GHR: variants seen among roughly 807,000 people sequenced by gnomAD.
The protein encoded by GHR is growth hormone receptor.
Under a neutral mutation model 67.1 loss-of-function variants are expected in GHR, and 35 were observed. The ratio of observed to expected loss-of-function variants is 0.52; its 90% CI spans 0.40 to 0.69. The LOEUF (loss-of-function observed/expected upper bound fraction) is 0.69. Among genes scored for constraint, GHR ranks in the 30% least tolerant of loss-of-function variants. The pLI is 0.00. For synonymous variants in GHR, 272 were observed against 269.1 expected (o/e 1.01, Z -0.10); for missense variants, 792 against 764.6 (o/e 1.04, Z -0.42).
intron 1 of GHR, among the ~76,000 whole-genome samples, chr5:42,519,334 A>G (rs1747375838): frequency 6.6e-6 from 1 of 152,144 alleles, no homozygotes; most frequent in Non-Finnish European, 1.5e-5. Flanking sequence ...ATAAATTCTC[A>G]TTTTTCCCAT....
At chr5:42,563,252 A>G (rs1204811095) in intron 1 of GHR, among the ~76,000 whole-genome samples, 1 of 152,186 alleles carries the variant, frequency 6.6e-6, no homozygotes, top group East Asian at 1.9e-4. Flanking sequence ...TCTTTACCTG[A>G]CACTAAGTGT....
chr5:42,569,862 TAC>T (rs1750180573), intron 2 of GHR, among the ~76,000 whole-genome samples: 1 of 152,128 alleles, frequency 6.6e-6, no homozygotes. Context: ...TATCATTCTG[TAC>T]CATTCAAAGT....
At chr5:42,483,941 T>G (rs544316879) in intron 1 of GHR, among the ~76,000 whole-genome samples, 1 of 152,286 alleles carries the variant, frequency 6.6e-6, no homozygotes, top group African/African-American at 2.4e-5. Context: ...TTTTATCTTG[T>G]GCTTAGAACC....
At chr5:42,662,553 C>T (rs1220483069) in intron 3 of GHR, among the ~76,000 whole-genome samples, 1 of 152,072 alleles carries the variant, frequency 6.6e-6, no homozygotes, top group African/African-American at 2.4e-5. Context: ...TTCTTTGAAA[C>T]CAACAAGAAC....
At chr5:42,501,728 A>C (rs1320054896) in intron 1 of GHR, among the ~76,000 whole-genome samples, 1 of 152,222 alleles carries the variant, frequency 6.6e-6, no homozygotes, top group Non-Finnish European at 1.5e-5. Context: ...TCCTGGTGAG[A>C]AACACTACTC....
chr5:42,685,285 A>G (rs960853011), intron 3 of GHR, among the ~76,000 whole-genome samples: 2 of 152,062 alleles, frequency 1.3e-5, no homozygotes, highest in African/African-American at 4.8e-5. Context: ...ATCCTTTTTT[A>G]TGGCTGAGTA....
chr5:42,437,607 G>A (rs970314953), intron 1 of GHR, among the ~76,000 whole-genome samples: 4 of 151,290 alleles, frequency 2.6e-5, no homozygotes, highest in African/African-American at 9.7e-5. Context: ...GAGTGCAGTG[G>A]CGTGAACTTG....
intron 4 of GHR, among the ~76,000 whole-genome samples, chr5:42,694,355 A>G (rs1757567081): frequency 6.6e-6 from 1 of 152,188 alleles, no homozygotes; most frequent in Non-Finnish European, 1.5e-5. Context: ...TCAGATGGGA[A>G]TTTGAGTCTT....
At chr5:42,491,695 C>T (rs894327389) in intron 1 of GHR, among the ~76,000 whole-genome samples, 1 of 152,116 alleles carries the variant, frequency 6.6e-6, no homozygotes, top group African/African-American at 2.4e-5. Flanking sequence ...ATGGAAAGTG[C>T]TAAATGAAAG....
At chr5:42,550,313 A>C (rs1175215766) in intron 1 of GHR, among the ~76,000 whole-genome samples, 1 of 152,016 alleles carries the variant, frequency 6.6e-6, no homozygotes, top group East Asian at 1.9e-4. Context: ...TGTAAAATGC[A>C]ACCTTTAGAC....
At position 42,713,439 on chromosome 5, in the gene GHR, T is replaced by G. The variant is rs145462816; in HGVS notation, c.795T>G (p.Phe265Leu). 7 of 1,410,736 alleles carry G rather than the reference T, an allele frequency of 5.0e-6. No individual in the cohort carries two copies. The highest frequency in any genetic ancestry group is 6.0e-6 in the Non-Finnish European group (6 of 997,460). 87.4% of individuals were successfully genotyped at this position (1,410,736 alleles called of 1,614,324 possible). ...TCTTGTGTGTTTCAGATTTCTACTT[T>G]CCATGGCTCTTAATTATTATCTTTG... The part of the protein sequence containing the change: ...SQFTCEEDFY[F>L]PWLLIIIFGI... Residue 265 changes from phenylalanine (F) to leucine (L), a missense_variant, in exon 8 of 10, where the codon TTT becomes TTG. Phe to Leu is a conservative substitution (Grantham distance 22). Coordinates refer to ENST00000230882, the MANE Select transcript of GHR (RefSeq NM_000163.5).
chr5:42,653,216 AT>A (rs1273764066), intron 3 of GHR, among the ~76,000 whole-genome samples: 1 of 152,176 alleles, frequency 6.6e-6, no homozygotes, highest in African/African-American at 2.4e-5. Flanking sequence ...CATGTTAAAC[AT>A]TTATTAAGCA....
At chr5:42,621,663 A>G (rs1279660769) in intron 2 of GHR, among the ~76,000 whole-genome samples, 1 of 152,214 alleles carries the variant, frequency 6.6e-6, no homozygotes, top group Non-Finnish European at 1.5e-5. Flanking sequence ...GATGTATTTA[A>G]ACATGTGCTT....
intron 1 of GHR, among the ~76,000 whole-genome samples, chr5:42,562,841 G>A (rs928707583): frequency 3.3e-5 from 5 of 151,872 alleles, no homozygotes; most frequent in African/African-American, 1.2e-4. Context: ...AGTAGAGACG[G>A]GGTTTCACCA....
At chr5:42,657,663 C>T (rs1248197948) in intron 3 of GHR, among the ~76,000 whole-genome samples, 1 of 152,178 alleles carries the variant, frequency 6.6e-6, no homozygotes, top group Non-Finnish European at 1.5e-5. Flanking sequence ...TAATCTCTAT[C>T]CCTTTTTTGT....
chr5:42,622,128 A>G (rs539944649), intron 2 of GHR, among the ~76,000 whole-genome samples: 39 of 152,328 alleles, frequency 2.6e-4, no homozygotes, highest in African/African-American at 9.1e-4. Flanking sequence ...CCCACTGAGT[A>G]GTATCCAACC....
chr5:42,458,298 C>A (rs187605837), intron 1 of GHR, among the ~76,000 whole-genome samples: 3 of 152,204 alleles, frequency 2.0e-5, no homozygotes, highest in South Asian at 4.1e-4. Context: ...ACAAATGGAA[C>A]AGATTAGAGA....
At chr5:42,427,736 C>T (rs1385177298) in intron 1 of GHR, among the ~76,000 whole-genome samples, 2 of 152,124 alleles carry the variant, frequency 1.3e-5, no homozygotes, top group African/African-American at 4.8e-5. Flanking sequence ...AAATCAAAAG[C>T]AAGTTAGTTA....
intron 2 of GHR, among the ~76,000 whole-genome samples, chr5:42,570,823 G>A (rs1750258006): frequency 6.6e-6 from 1 of 152,164 alleles, no homozygotes; most frequent in South Asian, 2.1e-4. Flanking sequence ...AATACTGTTA[G>A]ATTTTTACTT....
Sources: gnomAD v4.1 joint callset for allele counts (sites outside exome capture counted in the v4.1 genomes callset) on GRCh38, gnomAD v4.1.1 for gene constraint, MANE v1.5 for transcripts, NCBI Gene and HGNC (gene_info 2026-07-23, HGNC 2026-07-21) for gene names.